Variants in GRIN3A observed in about 807,000 individuals in gnomAD.
GRIN3A encodes the protein glutamate ionotropic receptor NMDA type subunit 3A.
Under a neutral mutation model 92.4 loss-of-function variants are expected in GRIN3A, and 47 were observed. That is an observed-to-expected ratio of 0.51 (90% confidence interval 0.40 to 0.65). GRIN3A has a LOEUF of 0.65. GRIN3A is among the 30% of genes least tolerant of loss of function. The pLI is 0.00. For missense variants in GRIN3A, 1,324 were observed against 1,393.1 expected, an observed-to-expected ratio of 0.95 and a Z score of 0.79; for synonymous variants, 527 against 540.6, an observed-to-expected ratio of 0.97 and a Z score of 0.35.
intron 2 of GRIN3A, among the ~76,000 whole-genome samples, chr9:101,674,896 A>G (rs1163073981): frequency 6.6e-6 from 1 of 152,056 alleles, no homozygotes; most frequent in Non-Finnish European, 1.5e-5. Flanking sequence ...AAACTAGACT[A>G]TGGAGGCCTC....
chr9:101,715,357 G>T (rs887901680), intron 1 of GRIN3A, among the ~76,000 whole-genome samples: 5 of 152,076 alleles, frequency 3.3e-5, no homozygotes, highest in Admixed American at 6.6e-5. Context: ...AATCTAAATA[G>T]AAATTCTCCA....
intron 6 of GRIN3A, among the ~76,000 whole-genome samples, chr9:101,606,673 T>C (rs1311350600): frequency 2.6e-5 from 4 of 152,132 alleles, no homozygotes; most frequent in Non-Finnish European, 5.9e-5. Flanking sequence ...CTGTTTCCTC[T>C]TTCTTCCTGA....
At chr9:101,642,908 G>C (rs991358733) in intron 3 of GRIN3A, among the ~76,000 whole-genome samples, 1 of 152,128 alleles carries the variant, frequency 6.6e-6, no homozygotes, top group Non-Finnish European at 1.5e-5. Context: ...GGATCACCTA[G>C]TTGCAGGAAA....
chr9:101,687,651 G>T (rs531924061), intron 1 of GRIN3A, among the ~76,000 whole-genome samples: 5 of 152,258 alleles, frequency 3.3e-5, no homozygotes, highest in Non-Finnish European at 7.3e-5. Flanking sequence ...CAAAATGCAG[G>T]TATTTTTATA....
chr9:101,646,733 T>C (rs1042305299), intron 3 of GRIN3A, among the ~76,000 whole-genome samples: 1 of 151,708 alleles, frequency 6.6e-6, no homozygotes, highest in Non-Finnish European at 1.5e-5. Context: ...AGATCTTTCT[T>C]TGGTTAAATT....
chr9:101,632,251 G>C (rs947528017), intron 3 of GRIN3A, among the ~76,000 whole-genome samples: 5 of 152,100 alleles, frequency 3.3e-5, no homozygotes, highest in African/African-American at 1.2e-4. Flanking sequence ...CCCTAGACCT[G>C]TAACACCCTC....
chr9:101,597,548 A>G (rs1010377670), intron 6 of GRIN3A, among the ~76,000 whole-genome samples: 3 of 152,216 alleles, frequency 2.0e-5, no homozygotes, highest in African/African-American at 7.2e-5. Context: ...CATTAGTGCC[A>G]GGTCCATCTT....
intron 3 of GRIN3A, among the ~76,000 whole-genome samples, chr9:101,656,665 C>T (rs1829092422): frequency 6.6e-6 from 1 of 151,882 alleles, no homozygotes; most frequent in Non-Finnish European, 1.5e-5. Flanking sequence ...ACATTTCTGA[C>T]AAGCTCCTGG....
chr9:101,710,463 C>T (rs1186570331), intron 1 of GRIN3A, among the ~76,000 whole-genome samples: 2 of 152,124 alleles, frequency 1.3e-5, no homozygotes, highest in Admixed American at 6.5e-5. Flanking sequence ...ATGACTGATG[C>T]CCCAAGTCCA....
At chr9:101,673,631 T>A (rs1395049668) in intron 2 of GRIN3A, among the ~76,000 whole-genome samples, 1 of 152,140 alleles carries the variant, frequency 6.6e-6, no homozygotes, top group South Asian at 2.1e-4. Context: ...TTAGTTAAAA[T>A]ATCAAAAGGC....
At chr9:101,652,999 C>T (rs1829033886) in intron 3 of GRIN3A, among the ~76,000 whole-genome samples, 1 of 151,888 alleles carries the variant, frequency 6.6e-6, no homozygotes, top group Admixed American at 6.6e-5. Flanking sequence ...TGGTTTGACT[C>T]AGCCCAAGGA....
At chr9:101,656,843 G>A (rs1829094960) in intron 3 of GRIN3A, among the ~76,000 whole-genome samples, 2 of 151,906 alleles carry the variant, frequency 1.3e-5, no homozygotes, top group African/African-American at 2.4e-5. Context: ...CTTCACCTAT[G>A]AGGAGTAGAG....
chr9:101,674,618 T>C (rs1228633889), intron 2 of GRIN3A, among the ~76,000 whole-genome samples: 1 of 152,038 alleles, frequency 6.6e-6, no homozygotes, highest in African/African-American at 2.4e-5. Context: ...TAAGCCCATA[T>C]AGCAATGTGG....
At chr9:101,678,299 T>C (rs1829424791) in intron 2 of GRIN3A, among the ~76,000 whole-genome samples, 1 of 152,168 alleles carries the variant, frequency 6.6e-6, no homozygotes, top group South Asian at 2.1e-4. Context: ...GTTTGAAGGA[T>C]TAAACTTTCA....
chr9:101,726,340 G>A (rs1390468410), intron 1 of GRIN3A, among the ~76,000 whole-genome samples: 1 of 152,182 alleles, frequency 6.6e-6, no homozygotes, highest in East Asian at 1.9e-4. Context: ...CTGGTATCCC[G>A]AGAGGAGTTT....
At chr9:101,629,537 C>A (rs1828685241) in intron 3 of GRIN3A, among the ~76,000 whole-genome samples, 1 of 152,168 alleles carries the variant, frequency 6.6e-6, no homozygotes, top group African/African-American at 2.4e-5. Context: ...ACCTGTTGTT[C>A]ATTGTATTTC....
intron 3 of GRIN3A, 88 bp downstream of exon 3, chr9:101,669,972 G>A: frequency 9.9e-7 from 1 of 1,012,998 alleles, no homozygotes; most frequent in South Asian, 1.3e-5. Context: ...TGTGTTAGAT[G>A]GAAGAACATG....
At chr9:101,609,368 G>C (rs1828328324) in intron 6 of GRIN3A, among the ~76,000 whole-genome samples, 1 of 152,196 alleles carries the variant, frequency 6.6e-6, no homozygotes, top group Non-Finnish European at 1.5e-5. Context: ...TCACCATGCT[G>C]TGCTTCCATA....
chr9:101,616,510 ATTG>A (rs1281340151), intron 5 of GRIN3A, among the ~76,000 whole-genome samples: 4 of 152,018 alleles, frequency 2.6e-5, no homozygotes, highest in African/African-American at 9.7e-5. Context: ...TTGACTTCCT[ATTG>A]TTAAGCAACA....
Sources: gnomAD v4.1 joint callset for allele counts (sites outside exome capture counted in the v4.1 genomes callset) on GRCh38, gnomAD v4.1.1 for gene constraint, MANE v1.5 for transcripts, NCBI Gene and HGNC (gene_info 2026-07-23, HGNC 2026-07-21) for gene names.